The following RIMS2 variants were observed in gnomAD, a reference collection of about 807,000 sequenced individuals.
RIMS2 encodes regulating synaptic membrane exocytosis 2, also known as regulating synaptic membrane exocytosis protein 2.
Under a neutral mutation model 174.4 loss-of-function variants are expected in RIMS2, and 59 were observed. The ratio of observed to expected loss-of-function variants is 0.34; its 90% CI spans 0.27 to 0.42. The LOEUF (loss-of-function observed/expected upper bound fraction) is 0.42. Among genes scored for constraint, RIMS2 ranks in the 10% least tolerant of loss-of-function variants. The probability of loss-of-function intolerance (pLI) is 1.00; values close to 1 mark genes in which losing one functional copy is unlikely to be tolerated. For missense variants in RIMS2, 1,620 were observed against 1,666.3 expected (o/e 0.97, Z 0.48); for synonymous variants, 606 against 572.5 (o/e 1.06, Z -0.84).
Position 103,539,942 on chromosome 8 carries a change from C to T in RIMS2, c.176+38880C>T, listed in dbSNP as rs10089301. Among the ~76,000 whole-genome samples the T allele has an allele frequency of 2.3e-4, 35 of 152,270 alleles. No individual in the cohort carries two copies. In the East Asian group the frequency reaches 4.8e-3, roughly 21 times the overall value. On this transcript the variant is annotated intron_variant, in intron 1 of 23. Transcript: ENST00000504942. ...TCTTGCTGTGCATGCCAATGCTCCA[C>T]GCACCAGCTCAGCCACCTAACAGAG...
At chr8:103,641,023 C>T (rs1373589113) in intron 1 of RIMS2, among the ~76,000 whole-genome samples, 1 of 152,208 alleles carries the variant, frequency 6.6e-6, no homozygotes, top group South Asian at 2.1e-4. Flanking sequence ...TATTTTGACA[C>T]TTTGTTGTTA....
chr8:103,901,482 T>G (rs2099327645), intron 4 of RIMS2, among the ~76,000 whole-genome samples: 1 of 152,252 alleles, frequency 6.6e-6, no homozygotes, highest in South Asian at 2.1e-4. Flanking sequence ...TACTTAGCTG[T>G]TTATGCCCAC....
intron 1 of RIMS2, among the ~76,000 whole-genome samples, chr8:103,599,694 TC>T (rs2094627090): frequency 6.6e-6 from 1 of 152,010 alleles, no homozygotes; most frequent in Admixed American, 6.6e-5. Context: ...CAAGTGATCC[TC>T]TTGCCTTGGC....
chr8:103,918,815 C>CA (rs2077086026), intron 9 of RIMS2, among the ~76,000 whole-genome samples: 1 of 152,024 alleles, frequency 6.6e-6, no homozygotes, highest in South Asian at 2.1e-4. Flanking sequence ...ATCATCCCAA[C>CA]AAAAAATCAT....
At chr8:104,161,630 C>G (rs2098762069) in intron 19 of RIMS2, among the ~76,000 whole-genome samples, 1 of 152,168 alleles carries the variant, frequency 6.6e-6, no homozygotes, top group Admixed American at 6.6e-5. Context: ...GTATCAGTTT[C>G]CTATTGAGGC....
intron 19 of RIMS2, among the ~76,000 whole-genome samples, chr8:104,230,895 C>T (rs201647698): frequency 0.013 from 1,505 of 117,084 alleles, 20 homozygotes; most frequent in African/African-American, 0.053. Context: ...TCTTTTTTTT[C>T]TTTTCCTGAA....
chr8:103,935,200 T>A (rs1417795311), intron 12 of RIMS2, among the ~76,000 whole-genome samples: 1 of 152,232 alleles, frequency 6.6e-6, no homozygotes, highest in African/African-American at 2.4e-5. Flanking sequence ...TTGTTTCAGA[T>A]AAGTTATTCC....
intron 16 of RIMS2, among the ~76,000 whole-genome samples, chr8:103,983,428 C>T (rs1056019999): frequency 6.6e-6 from 1 of 152,176 alleles, no homozygotes; most frequent in African/African-American, 2.4e-5. Flanking sequence ...ACAAAAGACA[C>T]AGAATAGCCA....
chr8:103,599,004 C>G (rs1946369), intron 1 of RIMS2, among the ~76,000 whole-genome samples: 118,488 of 151,856 alleles, frequency 0.78, 46,543 homozygotes, highest in East Asian at 0.88. Flanking sequence ...ACTCCTACTG[C>G]CCTCAACTTT....
chr8:103,647,236 T>A (rs981168708), intron 1 of RIMS2, among the ~76,000 whole-genome samples: 4 of 152,212 alleles, frequency 2.6e-5, no homozygotes, highest in African/African-American at 9.6e-5. Flanking sequence ...GGTTTGCCAG[T>A]ATATTGCATT....
intron 2 of RIMS2, among the ~76,000 whole-genome samples, chr8:103,753,877 C>T (rs1234328763): frequency 6.6e-6 from 1 of 152,054 alleles, no homozygotes; most frequent in Non-Finnish European, 1.5e-5. Flanking sequence ...TTAAAAACAC[C>T]AGCTCCTGGA....
At chr8:103,578,060 A>C (rs2093368149) in intron 1 of RIMS2, among the ~76,000 whole-genome samples, 1 of 152,208 alleles carries the variant, frequency 6.6e-6, no homozygotes, top group Admixed American at 6.5e-5. Context: ...AAGATTATTT[A>C]AAGAAATAAT....
At chr8:104,085,546 G>A (rs12548728) in intron 19 of RIMS2, among the ~76,000 whole-genome samples, 2,650 of 152,166 alleles carry the variant, frequency 0.017, 134 homozygotes, top group East Asian at 0.15. Context: ...GACCAAAGTG[G>A]GAGAGGGAAT....
At chr8:104,003,615 T>C (rs553157558) in intron 17 of RIMS2, among the ~76,000 whole-genome samples, 10 of 152,198 alleles carry the variant, frequency 6.6e-5, no homozygotes, top group Admixed American at 6.5e-4. Context: ...TTTTTCCCCA[T>C]GTTGGCCAGG....
intron 19 of RIMS2, among the ~76,000 whole-genome samples, chr8:104,136,197 A>C (rs191342305): frequency 6.6e-6 from 1 of 152,194 alleles, no homozygotes; most frequent in Non-Finnish European, 1.5e-5. Flanking sequence ...TGACCCATTT[A>C]TTGTCTATCT....
rs142712925 is a variant in RIMS2, at chr8:104,206,551, C to T, written c.3335-38365C>T. 1.9e-3 allele frequency among the ~76,000 whole-genome samples: 285 copies of T among 152,240 alleles called. 1 individual carries two copies. The highest frequency in any genetic ancestry group is 6.3e-3 in the African/African-American group (261 of 41,528). ...CTTCCTGAGTTCTCATTATGTACCA[C>T]GCATTGTACTGGGGGCTTCGTATTC... On this transcript the variant is annotated intron_variant, in intron 19 of 23. Transcript: ENST00000504942.
intron 4 of RIMS2, chr8:103,910,073 T>C: frequency 1.0e-6 from 1 of 990,368 alleles, no homozygotes. Context: ...GTTTATAATG[T>C]CTCTGTCTGT....
exon 10 of RIMS2, chr8:103,921,713 A>C: frequency 6.4e-7 from 1 of 1,574,728 alleles, no homozygotes; most frequent in Non-Finnish European, 8.7e-7. Context: ...TCGTCCTTCT[A>C]TTTCTGTTAC....
chr8:103,791,518 A>T (rs1364494457), intron 3 of RIMS2, among the ~76,000 whole-genome samples: 1 of 152,160 alleles, frequency 6.6e-6, no homozygotes, highest in East Asian at 1.9e-4. Context: ...TCAACTAACG[A>T]GCAAAATAAC....
Sources: allele counts gnomAD v4.1 joint callset (sites outside exome capture counted in the v4.1 genomes callset), GRCh38; gene constraint gnomAD v4.1.1; transcripts MANE v1.5; gene names NCBI Gene and HGNC (gene_info 2026-07-23, HGNC 2026-07-21).